MTFR1: variants seen among roughly 807,000 people sequenced by gnomAD.
The protein encoded by MTFR1 is mitochondrial fission regulator 1, also known as chondrocyte protein with a poly-proline region.
A neutral mutation model predicts 38.8 loss-of-function variants in MTFR1; 28 were observed. The ratio of observed to expected loss-of-function variants is 0.72; its 90% CI spans 0.53 to 0.99. The LOEUF (loss-of-function observed/expected upper bound fraction) is 0.99. MTFR1 is among the 50% of genes least tolerant of loss of function. The pLI, the probability that MTFR1 is intolerant of heterozygous loss-of-function variation, is 0.00. For synonymous variants in MTFR1, 145 were observed against 137.0 expected, an observed-to-expected ratio of 1.06 and a Z score of -0.41; for missense variants, 358 against 395.5, an observed-to-expected ratio of 0.91 and a Z score of 0.81.
downstream of MTFR1, among the ~76,000 whole-genome samples, chr8:65,710,949 T>G (rs1158011607): frequency 3.6e-4 from 55 of 151,688 alleles, no homozygotes; most frequent in Non-Finnish European, 4.4e-5. Flanking sequence ...CTTTCCTATG[T>G]TTTGTCTGAG....
intron 1 of MTFR1, among the ~76,000 whole-genome samples, chr8:65,669,281 G>A (rs1804491054): frequency 6.6e-6 from 1 of 152,188 alleles, no homozygotes. Flanking sequence ...AGTAGCAAAT[G>A]CAGTGGTGTT....
chr8:65,756,636 A>C (rs541390243), intron 3 of MTFR1, among the ~76,000 whole-genome samples: 1 of 152,032 alleles, frequency 6.6e-6, no homozygotes, highest in South Asian at 2.1e-4. Context: ...TTGTTTGTAC[A>C]TTGTTTTCCT....
intron 3 of MTFR1, among the ~76,000 whole-genome samples, chr8:65,755,686 T>C (rs1312113151): frequency 6.6e-6 from 1 of 152,272 alleles, no homozygotes; most frequent in Non-Finnish European, 1.5e-5. Flanking sequence ...GTTTATATAT[T>C]TACTTGTGTA....
intron 3 of MTFR1, among the ~76,000 whole-genome samples, chr8:65,754,243 G>GC (rs551234597): frequency 5.1e-4 from 78 of 151,804 alleles, no homozygotes; most frequent in Non-Finnish European, 8.5e-4. Flanking sequence ...ATTAGATGGT[G>GC]CCCCCCCGCC....
intron 3 of MTFR1, among the ~76,000 whole-genome samples, chr8:65,740,642 C>T (rs1029421040): frequency 2.3e-4 from 35 of 152,196 alleles, no homozygotes; most frequent in Middle Eastern, 3.4e-3. Flanking sequence ...CCTTGTGATC[C>T]GCCCGCCTCG....
chr8:65,651,243 G>T (rs1460719669), intron 1 of MTFR1, among the ~76,000 whole-genome samples: 1 of 152,084 alleles, frequency 6.6e-6, no homozygotes, highest in Non-Finnish European at 1.5e-5. Context: ...CGTTCTGTGG[G>T]TTGTCTCTTC....
At position 65,769,720 on chromosome 8, in the gene MTFR1, ACCCCGTCTC is replaced by A. The variant is rs576230267; in HGVS notation, c.*49-1226_*49-1218del. On this transcript the variant is annotated intron_variant, in intron 3 of 3. Coordinates refer to the MTFR1 transcript ENST00000521247. ...ACACCAGCCTGGCCAACATAGTGAA[ACCCCGTCTC>A]TACTGAAAATACAAATATTAGCCGG... is the stretch of plus-strand genomic sequence containing the variant. 2.4e-4 allele frequency among the ~76,000 whole-genome samples: 37 copies of A among 152,290 alleles called. 1 individual carries two copies. In the South Asian group the frequency reaches 7.0e-3, roughly 29 times the overall value.
intron 3 of MTFR1, among the ~76,000 whole-genome samples, chr8:65,752,630 T>C (rs888120296): frequency 6.6e-6 from 1 of 152,214 alleles, no homozygotes; most frequent in Non-Finnish European, 1.5e-5. Context: ...TATCTCATTG[T>C]TAACCATTCT....
intron 3 of MTFR1, chr8:65,727,208 G>C: frequency 6.2e-7 from 1 of 1,613,004 alleles, no homozygotes; most frequent in Non-Finnish European, 8.5e-7. Flanking sequence ...GTTTTAATAA[G>C]GAAAGGTTGA....
downstream of MTFR1, among the ~76,000 whole-genome samples, chr8:65,715,089 T>C (rs572253175): frequency 2.6e-4 from 40 of 152,292 alleles, no homozygotes; most frequent in African/African-American, 7.2e-4. Flanking sequence ...AGGGTGGCCA[T>C]GTGTGTGAAA....
rs150388943 is a variant in MTFR1 at position 65,695,025 on chromosome 8, C to T, written c.281+1266C>T. Among the ~76,000 whole-genome samples the T allele has an allele frequency of 2.6e-5, 4 of 152,208 alleles. No individual in the cohort carries two copies. In the East Asian group the frequency reaches 5.8e-4, roughly 22 times the overall value. The stretch of plus-strand genomic sequence containing the variant: ...ACTCTAAGAAACATAGAAAAGTTCA[C>T]GTTTGTGGAAAGCAATATAGAACCT... On this transcript the variant is annotated intron_variant, in intron 4 of 7. Transcript: ENST00000262146.
chr8:65,698,129 AT>A (rs1483038149), intron 4 of MTFR1, among the ~76,000 whole-genome samples: 1 of 138,460 alleles, frequency 7.2e-6, no homozygotes, highest in African/African-American at 2.6e-5. Flanking sequence ...TATATTTTAC[AT>A]TTGAGTCCAT....
At chr8:65,667,536 TC>T (rs1326865289) in intron 1 of MTFR1, among the ~76,000 whole-genome samples, 1 of 152,126 alleles carries the variant, frequency 6.6e-6, no homozygotes, top group Non-Finnish European at 1.5e-5. Flanking sequence ...CAAGCGATTT[TC>T]CTGCCTCAGC....
chr8:65,692,913 C>T (rs1023977325), intron 3 of MTFR1, among the ~76,000 whole-genome samples: 1 of 146,868 alleles, frequency 6.8e-6, no homozygotes, highest in Non-Finnish European at 1.5e-5. Flanking sequence ...TTTTTACCCC[C>T]GAGACAGAGT....
At position 65,757,469 on chromosome 8, in the gene MTFR1, G is replaced by A. The variant is rs1808287396; in HGVS notation, c.*49-13478G>A. Among the ~76,000 whole-genome samples, 3 of 152,142 alleles carry A rather than the reference G, an allele frequency of 2.0e-5. No homozygotes were observed. The East Asian group carries it at 5.8e-4, about 29-fold the overall frequency. ...TGTCTCCCAGGGTGAGGCTACTCAG[G>A]TTTGTAGGGTTTTTTTAGATCTTGT... On this transcript the variant is annotated intron_variant, in intron 3 of 3. Coordinates refer to the MTFR1 transcript ENST00000521247.
At chr8:65,741,300 T>G (rs1807421690) in intron 3 of MTFR1, among the ~76,000 whole-genome samples, 1 of 152,154 alleles carries the variant, frequency 6.6e-6, no homozygotes, top group African/African-American at 2.4e-5. Flanking sequence ...ATTCTAGTAT[T>G]CTCTCGTCTA....
chr8:65,741,573 A>G (rs1475063440), intron 3 of MTFR1, among the ~76,000 whole-genome samples: 3 of 152,248 alleles, frequency 2.0e-5, no homozygotes, highest in Non-Finnish European at 2.9e-5. Context: ...TCATGTGGAA[A>G]GAAAAAAGCA....
intron 3 of MTFR1, among the ~76,000 whole-genome samples, chr8:65,687,596 C>T (rs994890471): frequency 1.3e-5 from 2 of 152,042 alleles, no homozygotes; most frequent in Non-Finnish European, 2.9e-5. Flanking sequence ...CCGCCCGCCT[C>T]GGCCTCCCAA....
intron 3 of MTFR1, chr8:65,727,436 G>A: frequency 8.1e-7 from 1 of 1,239,202 alleles, no homozygotes; most frequent in Non-Finnish European, 1.1e-6. Context: ...TCAGGTGGTT[G>A]TTCATTAGGT....
Sources: allele counts gnomAD v4.1 joint callset (sites outside exome capture counted in the v4.1 genomes callset), GRCh38; gene constraint gnomAD v4.1.1; transcripts MANE v1.5; gene names NCBI Gene and HGNC (gene_info 2026-07-23, HGNC 2026-07-21).